Variants in CNTN5 observed in about 807,000 individuals in gnomAD.
CNTN5 encodes the protein contactin-5.
Under a neutral mutation model 129.1 loss-of-function variants are expected in CNTN5, and 77 were observed. The ratio of observed to expected loss-of-function variants is 0.60; its 90% CI spans 0.50 to 0.72. The LOEUF is 0.72. Among genes scored for constraint, CNTN5 ranks in the 30% least tolerant of loss-of-function variants. The probability of loss-of-function intolerance (pLI) is 0.00; values close to 1 mark genes in which losing one functional copy is unlikely to be tolerated. For synonymous variants in CNTN5, 509 were observed against 465.6 expected (o/e 1.09, Z -1.20); for missense variants, 1,478 against 1,328.8 (o/e 1.11, Z -1.75).
intron 3 of CNTN5, among the ~76,000 whole-genome samples, chr11:99,614,717 T>C (rs1301831905): frequency 6.6e-6 from 1 of 152,190 alleles, no homozygotes; most frequent in Non-Finnish European, 1.5e-5. Flanking sequence ...AAATTTGTGT[T>C]GTGAGGCTGG....
chr11:100,036,594 C>A (rs563337957), intron 9 of CNTN5, among the ~76,000 whole-genome samples: 1 of 148,086 alleles, frequency 6.8e-6, no homozygotes, highest in Non-Finnish European at 1.5e-5. Context: ...TTCTTCCTAC[C>A]CATGAGCAAG....
chr11:99,891,376 A>G (rs1258812023), intron 6 of CNTN5, among the ~76,000 whole-genome samples: 1 of 152,004 alleles, frequency 6.6e-6, no homozygotes, highest in Non-Finnish European at 1.5e-5. Flanking sequence ...ACTAGTTCAG[A>G]ACGTGCAGAT....
At chr11:99,245,471 C>T (rs1861768347) in intron 1 of CNTN5, among the ~76,000 whole-genome samples, 2 of 152,050 alleles carry the variant, frequency 1.3e-5, no homozygotes, top group South Asian at 2.1e-4. Flanking sequence ...AGCACTGCCT[C>T]CATGCCCGGC....
intron 13 of CNTN5, among the ~76,000 whole-genome samples, chr11:100,076,743 C>T (rs1944145982): frequency 1.3e-5 from 2 of 151,950 alleles, no homozygotes; most frequent in Non-Finnish European, 2.9e-5. Flanking sequence ...CTACCTTGAT[C>T]TACATGTTTT....
intron 1 of CNTN5, among the ~76,000 whole-genome samples, chr11:99,267,104 G>A (rs60213042): frequency 0.017 from 2,590 of 152,086 alleles, 87 homozygotes; most frequent in African/African-American, 0.06. Flanking sequence ...ATAACATGGA[G>A]AAGAATGAAG....
intron 1 of CNTN5, among the ~76,000 whole-genome samples, chr11:99,029,419 C>T (rs566394625): frequency 6.6e-5 from 10 of 151,790 alleles, no homozygotes; most frequent in African/African-American, 2.4e-4. Flanking sequence ...AGAAGTTTGA[C>T]CACTGACATT....
chr11:99,328,484 G>A (rs1324847995), intron 2 of CNTN5, among the ~76,000 whole-genome samples: 2 of 152,040 alleles, frequency 1.3e-5, no homozygotes, highest in Non-Finnish European at 2.9e-5. Context: ...GCAAAAATTG[G>A]TTATTTATTT....
intron 1 of CNTN5, among the ~76,000 whole-genome samples, chr11:99,089,589 G>A (rs1866153907): frequency 6.6e-6 from 1 of 152,104 alleles, no homozygotes; most frequent in Non-Finnish European, 1.5e-5. Context: ...ACTGTATATC[G>A]TTGCTGAAGA....
At chr11:99,499,047 G>A (rs1461801714) in intron 2 of CNTN5, among the ~76,000 whole-genome samples, 1 of 152,094 alleles carries the variant, frequency 6.6e-6, no homozygotes, top group Non-Finnish European at 1.5e-5. Context: ...GCACTATTGA[G>A]TTACTGCTTT....
chr11:99,923,335 A>G (rs1381104921), intron 7 of CNTN5, among the ~76,000 whole-genome samples: 1 of 152,130 alleles, frequency 6.6e-6, no homozygotes, highest in Non-Finnish European at 1.5e-5. Flanking sequence ...TTGCCAAAAA[A>G]CGTGTTTTTC....
chr11:99,768,975 C>A (rs541054294), intron 3 of CNTN5, among the ~76,000 whole-genome samples: 32 of 152,028 alleles, frequency 2.1e-4, no homozygotes, highest in Non-Finnish European at 4.0e-4. Flanking sequence ...CTAATTACAT[C>A]ATTCCTTCTA....
chr11:99,311,216 C>T (rs1158492756), intron 1 of CNTN5, among the ~76,000 whole-genome samples: 2 of 152,140 alleles, frequency 1.3e-5, no homozygotes, highest in African/African-American at 2.4e-5. Context: ...CATGAGCCAC[C>T]GCACCCAGCC....
chr11:100,350,531 G>A (rs1952384222), intron 23 of CNTN5, among the ~76,000 whole-genome samples, 171 bp from the exon 24 acceptor site: 1 of 151,520 alleles, frequency 6.6e-6, no homozygotes. Context: ...TACCTCCATG[G>A]CCCTTTTGTG....
At chr11:100,068,231 C>G (rs909546713) in intron 10 of CNTN5, among the ~76,000 whole-genome samples, 1 of 152,066 alleles carries the variant, frequency 6.6e-6, no homozygotes, top group African/African-American at 2.4e-5. Context: ...TTCTAACCAA[C>G]TAAAATATTA....
intron 9 of CNTN5, among the ~76,000 whole-genome samples, chr11:100,054,829 G>A (rs973446570): frequency 6.6e-6 from 1 of 151,648 alleles, no homozygotes; most frequent in Non-Finnish European, 1.5e-5. Flanking sequence ...AATGTTATTA[G>A]TTAGCATTGG....
At chr11:100,089,283 G>T (rs1218021553) in intron 13 of CNTN5, among the ~76,000 whole-genome samples, 1 of 151,922 alleles carries the variant, frequency 6.6e-6, no homozygotes, top group Non-Finnish European at 1.5e-5. Context: ...TTCTGTACAT[G>T]CAGCCAACAA....
chr11:99,767,801 A>G (rs1014844747), intron 3 of CNTN5, among the ~76,000 whole-genome samples: 5 of 152,078 alleles, frequency 3.3e-5, no homozygotes, highest in Admixed American at 6.6e-5. Context: ...TTCTTATTAA[A>G]TACTGTTATT....
chr11:100,231,512 A>T (rs1949487995), intron 16 of CNTN5, among the ~76,000 whole-genome samples: 1 of 152,206 alleles, frequency 6.6e-6, no homozygotes, highest in Admixed American at 6.5e-5. Flanking sequence ...GGGACACCGT[A>T]TACTCTAGTT....
At chr11:99,091,098 C>T (rs1400298391) in intron 1 of CNTN5, among the ~76,000 whole-genome samples, 1 of 147,322 alleles carries the variant, frequency 6.8e-6, no homozygotes, top group Non-Finnish European at 1.5e-5. Flanking sequence ...GAAATGAAAT[C>T]GAGACCTAAA....
Sources: gnomAD v4.1 joint callset for allele counts (sites outside exome capture counted in the v4.1 genomes callset) on GRCh38, gnomAD v4.1.1 for gene constraint, MANE v1.5 for transcripts, NCBI Gene and HGNC (gene_info 2026-07-23, HGNC 2026-07-21) for gene names.